R3HCC1L: variants seen among roughly 807,000 people sequenced by gnomAD.
R3HCC1L encodes R3H domain and coiled-coil containing 1 like.
In R3HCC1L, 51 loss-of-function variants were observed where a neutral mutation model predicts 59.9. The observed-to-expected ratio is 0.85, with a 90% CI of 0.68 to 1.07. R3HCC1L has a LOEUF of 1.07. Ranked by LOEUF, R3HCC1L falls within the 50% of genes least tolerant of loss-of-function variation. The pLI, the probability that R3HCC1L is intolerant of heterozygous loss-of-function variation, is 0.00. For synonymous variants in R3HCC1L, 322 were observed against 315.2 expected, an observed-to-expected ratio of 1.02 and a Z score of -0.23; for missense variants, 965 against 933.0, an observed-to-expected ratio of 1.03 and a Z score of -0.45.
chr10:98,224,434 G>A (rs953838787), intron 5 of R3HCC1L, among the ~76,000 whole-genome samples: 28 of 152,180 alleles, frequency 1.8e-4, no homozygotes, highest in African/African-American at 5.5e-4. Flanking sequence ...ATCCCTCTGC[G>A]AATAGGCATC....
At chr10:98,174,732 A>T (rs539257354) in intron 4 of R3HCC1L, 1 of 983,986 alleles carries the variant, frequency 1.0e-6, no homozygotes, top group African/African-American at 1.7e-5. Flanking sequence ...GAAATTGTAG[A>T]TTGACACCAA....
At position 98,231,686 on chromosome 10, in the gene R3HCC1L, C is replaced by T; in HGVS notation, c.1960C>T (p.Gln654Ter). The T allele has an allele frequency of 5.6e-6, 9 of 1,604,254 alleles. No individual in the cohort carries two copies. Among genetic ancestry groups the T allele is most frequent in the Non-Finnish European group, 7.7e-6 (9 of 1,173,694 alleles). Residue 654 changes from glutamine (Q) to a stop codon, truncating the protein, a stop_gained and splice_region_variant, in exon 6 of 10, where the codon CAA becomes TAA. Coordinates refer to ENST00000298999, the MANE Select transcript of R3HCC1L (RefSeq NM_001351015.2). LOFTEE classifies it high-confidence loss of function. ...CCTTCTACGGGTTTTCTGCAGTTAT[C>T]AGTGAGTATGCAAATGATTGTGGAT... ...EDLLRVFCSY[Q>*]KKGFDIKWVD...
chr10:98,158,995 A>G (rs1017000329), intron 2 of R3HCC1L, among the ~76,000 whole-genome samples: 1 of 151,834 alleles, frequency 6.6e-6, no homozygotes, highest in African/African-American at 2.4e-5. Flanking sequence ...TTGTAGAGAC[A>G]GATTCTCCCT....
intron 1 of R3HCC1L, among the ~76,000 whole-genome samples, chr10:98,153,706 T>A (rs550523315): frequency 6.6e-6 from 1 of 151,704 alleles, no homozygotes; most frequent in African/African-American, 2.4e-5. Flanking sequence ...GGACTGTTTG[T>A]GGCAATAAGA....
At chr10:98,147,421 C>G (rs1293086913) in intron 1 of R3HCC1L, among the ~76,000 whole-genome samples, 1 of 152,078 alleles carries the variant, frequency 6.6e-6, no homozygotes, top group Non-Finnish European at 1.5e-5. Context: ...TTGATGTAGT[C>G]CCATTTGTCT....
At position 98,228,561 on chromosome 10, in the gene R3HCC1L, T is replaced by C. The variant is rs1291375164; in HGVS notation, c.1786-2951T>C. Reference sequence around the variant, plus strand: ...CTGTTCACTCTGATGGTAGTTTCTTTTGCTGTGCAGAAGATCTTTAGTTTA... The same window carrying C: ...CTGTTCACTCTGATGGTAGTTTCTTCTGCTGTGCAGAAGATCTTTAGTTTA... On this transcript the variant is annotated intron_variant, in intron 5 of 9. Transcript: ENST00000298999. Among the ~76,000 whole-genome samples, 3 of 152,350 alleles carry C rather than the reference T, an allele frequency of 2.0e-5. No homozygotes were observed. The East Asian group carries it at 5.8e-4, about 29-fold the overall frequency.
chr10:98,173,376 C>T (rs1286005756), intron 4 of R3HCC1L, among the ~76,000 whole-genome samples: 1 of 152,150 alleles, frequency 6.6e-6, no homozygotes, highest in East Asian at 1.9e-4. Context: ...CACTTTAGAC[C>T]TCAGCTCCTG....
At chr10:98,228,985 A>T (rs546787106) in intron 5 of R3HCC1L, among the ~76,000 whole-genome samples, 117 of 152,244 alleles carry the variant, frequency 7.7e-4, no homozygotes, top group African/African-American at 2.6e-3. Context: ...TGGTTACTGT[A>T]GCCTTGTAGT....
intron 1 of R3HCC1L, among the ~76,000 whole-genome samples, chr10:98,135,097 CG>C (rs1251134571): frequency 6.6e-6 from 1 of 152,254 alleles, no homozygotes; most frequent in Admixed American, 6.5e-5. Context: ...CGGCGGTTTC[CG>C]GGCTTCGCTT....
intron 2 of R3HCC1L, among the ~76,000 whole-genome samples, chr10:98,156,488 G>A (rs1846896581): frequency 6.6e-6 from 1 of 152,028 alleles, no homozygotes. Flanking sequence ...CTTTCCTTTG[G>A]TTTGTTTCCT....
In R3HCC1L at chr10:98,163,167, A is replaced by T. The variant is rs188698745; in HGVS notation, c.-119-126A>T. 3.8e-5 allele frequency: 13 copies of T among 346,242 alleles called. No individual in the cohort carries two copies. In the Admixed American group the frequency reaches 4.6e-4, roughly 12 times the overall value. The allele number at this position is 346,242 out of a possible 1,614,324, so 21.4% of individuals were successfully genotyped here. A position where few individuals can be genotyped will look rare whatever the true frequency, so the allele number is the denominator to read the frequency against. On this transcript the variant is annotated intron_variant, in intron 3 of 9. Transcript: ENST00000298999. Reference sequence around the variant, plus strand: ...TATGTGTGTCTTCATTGCACATTCTATGGCAAATCACTGTGTTAAACTCTT... The same window carrying T: ...TATGTGTGTCTTCATTGCACATTCTTTGGCAAATCACTGTGTTAAACTCTT...
At chr10:98,223,545 T>C (rs1382849451) in intron 5 of R3HCC1L, among the ~76,000 whole-genome samples, 2 of 152,076 alleles carry the variant, frequency 1.3e-5, no homozygotes, top group African/African-American at 4.8e-5. Context: ...TACTTTTTCC[T>C]ATAGATATAT....
chr10:98,188,027 A>G (rs1294454869), intron 4 of R3HCC1L, among the ~76,000 whole-genome samples: 1 of 152,060 alleles, frequency 6.6e-6, no homozygotes, highest in Non-Finnish European at 1.5e-5. Flanking sequence ...TATAGGCAGG[A>G]CCCATTATAC....
chr10:98,215,046 T>C (rs1014989504), intron 5 of R3HCC1L, among the ~76,000 whole-genome samples: 6 of 152,184 alleles, frequency 3.9e-5, no homozygotes, highest in African/African-American at 1.4e-4. Context: ...GCCTCCTGGT[T>C]TCTAGCCCTG....
intron 4 of R3HCC1L, among the ~76,000 whole-genome samples, chr10:98,198,441 TTGATAG>T (rs1841992290): frequency 1.3e-5 from 2 of 152,172 alleles, no homozygotes; most frequent in African/African-American, 4.8e-5. Context: ...AAGAATACTC[TTGATAG>T]TGTAGTGAAA....
At chr10:98,189,300 G>A (rs1277245663) in intron 4 of R3HCC1L, among the ~76,000 whole-genome samples, 1 of 152,188 alleles carries the variant, frequency 6.6e-6, no homozygotes, top group Admixed American at 6.5e-5. Flanking sequence ...TGCATATGGG[G>A]TGAGGACAGC....
intron 5 of R3HCC1L, among the ~76,000 whole-genome samples, chr10:98,230,492 G>C (rs942259560): frequency 1.3e-5 from 2 of 151,976 alleles, no homozygotes; most frequent in Admixed American, 1.3e-4. Context: ...CTTGCTAGTG[G>C]TCTATCAATT....
At chr10:98,172,755 G>T (rs939843590) in intron 4 of R3HCC1L, among the ~76,000 whole-genome samples, 3 of 152,228 alleles carry the variant, frequency 2.0e-5, no homozygotes, top group African/African-American at 7.2e-5. Flanking sequence ...GTGGCAGCAA[G>T]TGCAGTCTCC....
Position 98,199,094 on chromosome 10 carries a change from C to G in R3HCC1L, c.-14-9007C>G, listed in dbSNP as rs116552218. ...TTGAAATCCAAATGTATTTTATATG[C>G]ACAGCACATCTCAGTTTAGACTAAC... is the stretch of plus-strand genomic sequence containing the variant. On this transcript the variant is annotated intron_variant, in intron 4 of 9. Coordinates refer to ENST00000298999, the MANE Select transcript of R3HCC1L (RefSeq NM_001351015.2). Among the ~76,000 whole-genome samples the G allele has an allele frequency of 5.9e-3, 895 of 152,120 alleles. 5 individuals are homozygous for G. The highest frequency in any genetic ancestry group is 0.021 in the African/African-American group (858 of 41,532).
Sources: gnomAD v4.1 joint callset for allele counts (sites outside exome capture counted in the v4.1 genomes callset) on GRCh38, gnomAD v4.1.1 for gene constraint, MANE v1.5 for transcripts, NCBI Gene and HGNC (gene_info 2026-07-23, HGNC 2026-07-21) for gene names.